Variants in FASN observed in about 807,000 individuals in gnomAD.
FASN encodes the protein fatty acid synthase.
A neutral mutation model predicts 250.0 loss-of-function variants in FASN; 50 were observed. The observed-to-expected ratio is 0.20, with a 90% CI of 0.16 to 0.25. FASN has a LOEUF of 0.25. Among genes scored for constraint, FASN ranks in the 10% least tolerant of loss-of-function variants. The pLI, the probability that FASN is intolerant of heterozygous loss-of-function variation, is 1.00. For synonymous variants in FASN, 1,909 were observed against 1,584.0 expected (o/e 1.21, Z -4.87); for missense variants, 3,031 against 3,498.5 (o/e 0.87, Z 3.37).
intron 2 of FASN, 86 bp from the exon 3 acceptor site, chr17:82,095,558 C>CCTG: frequency 6.6e-7 from 1 of 1,523,896 alleles, no homozygotes; most frequent in Non-Finnish European, 9.0e-7. Flanking sequence ...CCTGGAGGGG[C>CCTG]CATGGTGGAA....
chr17:82,083,902 G>C lies in FASN; in HGVS notation c.5099-11C>G, dbSNP rs1173240593. The C allele has an allele frequency of 6.4e-7, 1 of 1,558,792 alleles. No homozygotes were observed. The highest frequency in any genetic ancestry group is 2.4e-5 in the East Asian group (1 of 42,312). ...GCTTCTCAGCCGACCCTGGTGAAGA[G>C]AGGAAGCGCGGCTGGTGAGCCAGGG... On this transcript the variant is annotated splice_polypyrimidine_tract_variant and intron_variant, in intron 29 of 42. Transcript: ENST00000306749.
At chr17:82,080,975 C>A in intron 38 of FASN, 53 bp from the exon 39 acceptor site, 1 of 1,515,316 alleles carries the variant, frequency 6.6e-7, no homozygotes, top group Non-Finnish European at 9.0e-7. Flanking sequence ...GCCCTGGCAC[C>A]CACGCAAGGA....
chr17:82,089,829 GT>G, intron 11 of FASN, 103 bp from the exon 12 acceptor site: 1 of 1,016,902 alleles, frequency 9.8e-7, no homozygotes, highest in Non-Finnish European at 1.5e-6. Flanking sequence ...AATGACAAGT[GT>G]GGTAATGGCA....
Position 82,081,625 on chromosome 17 carries a change from C to T in FASN, c.6382G>A (p.Val2128Met), listed in dbSNP as rs1051578308. 1.9e-6 allele frequency: 3 copies of T among 1,612,736 alleles called. No homozygotes were observed. Among genetic ancestry groups the T allele is most frequent in the Non-Finnish European group, 2.5e-6 (3 of 1,180,000 alleles). Residue 2128 changes from valine to methionine, a missense_variant, in exon 37 of 43, where the codon GTG (valine) becomes ATG (methionine). By Grantham distance (21) the Val-to-Met change is conservative. Coordinates refer to ENST00000306749, the MANE Select transcript of FASN (RefSeq NM_004104.5). The stretch of plus-strand genomic sequence containing the variant: ...CCCAGGATGTGTGCCACGGCCTCCA[C>T]CAGGTCCCGCTGGCTGTCCCTGTCC... ...YRDRDSQRDL[V>M]EAVAHILGIR...
Position 82,086,340 on chromosome 17 carries a change from T to G in FASN, c.3646A>C (p.Ser1216Arg), listed in dbSNP as rs1254813193. Residue 1216 changes from serine to arginine, a missense_variant, in exon 22 of 43, where the codon AGC (serine) becomes CGC (arginine). Transcript: ENST00000306749. ...AGTGCCGGGGAGTCCAGGAGGCCGC[T>G]GAGCAGAGGGTCCTCTGGCAGCTTG... Reference protein sequence around the residue: ...RPKLPEDPLLSGLLDSPALKA... With the variant: ...RPKLPEDPLLRGLLDSPALKA... The G allele has an allele frequency of 6.2e-7, 1 of 1,607,086 alleles. No individual in the cohort carries two copies. Among genetic ancestry groups the G allele is most frequent in the Non-Finnish European group, 8.5e-7 (1 of 1,179,392 alleles).
intron 8 of FASN, among the ~76,000 whole-genome samples, chr17:82,091,915 C>T (rs2034216871): frequency 6.6e-6 from 1 of 152,202 alleles, no homozygotes; most frequent in Admixed American, 6.5e-5. Flanking sequence ...TTGCTGCCTC[C>T]CAGCCTGATG....
At chr17:82,080,646 G>A (rs771415092) in intron 39 of FASN, 46 bp downstream of exon 39, 425 of 1,553,054 alleles carry the variant, frequency 2.7e-4, no homozygotes, top group Non-Finnish European at 3.6e-4. Flanking sequence ...CGGGCCCCGT[G>A]ATGGCCAGCA....
Position 82,085,791 on chromosome 17 carries a change from C to G in FASN, c.3813G>C (p.Thr1271=), listed in dbSNP as rs756562385. 6 of 1,562,744 alleles carry G rather than the reference C, an allele frequency of 3.8e-6. No individual in the cohort carries two copies. Among genetic ancestry groups the G allele is most frequent in the Non-Finnish European group, 5.2e-6 (6 of 1,155,110 alleles). Residue 1271 remains threonine, a synonymous_variant, in exon 23 of 43, where the codon ACG becomes ACC. Coordinates refer to ENST00000306749, the MANE Select transcript of FASN (RefSeq NM_004104.5). Reference sequence around the variant, plus strand: ...GGGCCTGGGGGTGGCGGTCGGTGGCCGTGTAGCTCAGCTGCAGCAGGGGAT... The same window carrying G: ...GGGCCTGGGGGTGGCGGTCGGTGGCGGTGTAGCTCAGCTGCAGCAGGGGAT... ...SPHPLLQLSY[T]ATDRHPQALE... is the part of the protein sequence containing the mutation.
At position 82,079,373 on chromosome 17, in the gene FASN, TC is replaced by T; in HGVS notation, c.7381del (p.Asp2461ThrfsTer46). ...GGAYGEDLGA[D>X]YNLSQVCDGK... The stretch of plus-strand genomic sequence containing the variant: ...CTTGCGCACCTGGGAGAGGTTGTAG[TC>T]CGCGCCCAGGTCCTCGCCGTAGGCG... On this transcript the variant is annotated frameshift_variant, in exon 42 of 43. Coordinates refer to ENST00000306749, the MANE Select transcript of FASN (RefSeq NM_004104.5). LOFTEE classifies it high-confidence loss of function. 1 of 1,612,986 alleles carries T rather than the reference TC, an allele frequency of 6.2e-7. No individual in the cohort carries two copies. Among genetic ancestry groups the T allele is most frequent in the Non-Finnish European group, 8.5e-7 (1 of 1,179,982 alleles).
chr17:82,089,527 G>A (rs2034164774), intron 12 of FASN, 105 bp downstream of exon 12: 1 of 1,544,374 alleles, frequency 6.5e-7, no homozygotes, highest in Non-Finnish European at 8.8e-7. Flanking sequence ...CATGCCCCAG[G>A]CCCGTCAGAG....
chr17:82,087,791 G>A lies in FASN; in HGVS notation c.2937C>T (p.Pro979=), dbSNP rs62642479. The stretch of plus-strand genomic sequence containing the variant: ...CCTGGGCCAGGAAGAGGGGCTCCGT[G>A]GGGTTGGGGGTGGGGCTTTCCGGGT... ...FDHPESPTPN[P]TEPLFLAQAE... is the part of the protein sequence containing the mutation. The change falls in exon 19 of 43, where the codon CCC becomes CCT. Residue 979 remains proline (P), a synonymous_variant. Transcript: ENST00000306749. 1.5e-3 allele frequency: 2,340 copies of A among 1,612,630 alleles called. 28 individuals are homozygous for A. The African/African-American group carries it at 0.028, about 19-fold the overall frequency.
In FASN at chr17:82,080,228, G is replaced by A; in HGVS notation, c.7058C>T (p.Ala2353Val). Residue 2353 changes from alanine (A) to valine (V), a missense_variant, in exon 41 of 43, where the codon GCA becomes GTA. Ala to Val is a moderately conservative substitution (Grantham distance 64). Coordinates refer to ENST00000306749, the MANE Select transcript of FASN (RefSeq NM_004104.5). ...YVLAYTQSYRAKLTPGCEAEA... is the reference protein window; with the variant it reads ...YVLAYTQSYRVKLTPGCEAEA... Reference sequence around the variant, plus strand: ...AGCCTCACAGCCTGGGGTCAGCTTTGCCCGGTAGCTCTGAGAGGAAGGAGG... The same window carrying A: ...AGCCTCACAGCCTGGGGTCAGCTTTACCCGGTAGCTCTGAGAGGAAGGAGG... 1 of 1,613,126 alleles carries A rather than the reference G, an allele frequency of 6.2e-7. No homozygotes were observed. The highest frequency in any genetic ancestry group is 8.5e-7 in the Non-Finnish European group (1 of 1,180,016).
chr17:82,090,385 C>T lies in FASN; in HGVS notation c.1860G>A (p.Met620Ile). Reference sequence around the variant, plus strand: ...CTCCGGGAGACCTACCCACGGCTGCCATGGCGCCCGGCGGGAGATGGGCTT... The same window carrying T: ...CTCCGGGAGACCTACCCACGGCTGCTATGGCGCCCGGCGGGAGATGGGCTT... ...IKEAHLPPGA[M>I]AAVGLSWEEC... is the part of the protein sequence containing the mutation. Residue 620 changes from methionine (M) to isoleucine (I), a missense_variant, in exon 11 of 43, where the codon ATG becomes ATA. Physicochemically the swap from Met to Ile is conservative, Grantham distance 10. Coordinates refer to ENST00000306749, the MANE Select transcript of FASN (RefSeq NM_004104.5). The T allele has an allele frequency of 6.3e-7, 1 of 1,589,748 alleles. No individual in the cohort carries two copies. The highest frequency in any genetic ancestry group is 1.1e-5 in the South Asian group (1 of 87,736).
rs1489913413 is a variant in FASN, at chr17:82,080,098, AGTACTCTGGGTCCTGCGGCCTC to A, written c.7146+20_7146+41del. The A allele has an allele frequency of 4.4e-6, 7 of 1,585,760 alleles. No individual in the cohort carries two copies. Among genetic ancestry groups the A allele is most frequent in the Non-Finnish European group, 6.1e-6 (7 of 1,155,318 alleles). The stretch of plus-strand genomic sequence containing the variant: ...TCCCTTCCCCCTTCCGTTCCTGCCC[AGTACTCTGGGTCCTGCGGCCTC>A]AGGGGTGTCCAGGACCCACCCTGTT... On this transcript the variant is annotated intron_variant, in intron 41 of 42. Coordinates refer to ENST00000306749, the MANE Select transcript of FASN (RefSeq NM_004104.5).
chr17:82,095,791 C>CA (rs2092357068), intron 2 of FASN, among the ~76,000 whole-genome samples: 1 of 152,216 alleles, frequency 6.6e-6, no homozygotes, highest in Non-Finnish European at 1.5e-5. Flanking sequence ...CATGCTGACT[C>CA]ACAGCTTGCC....
rs758552144 is a variant in FASN at position 82,079,234 on chromosome 17, C to T, written c.7445G>A (p.Arg2482His). ...CAGGCCGCTGCCCTCCAGCAGCGTG[C>T]GGTGGTCACCCTCGATGACGTGGAC... ...VSVHVIEGDH[R>H]TLLEGSGLES... is the part of the protein sequence containing the mutation. The change falls in exon 43 of 43, where the codon CGC (arginine) becomes CAC (histidine). Residue 2482 changes from arginine to histidine, a missense_variant. Transcript: ENST00000306749. 1.9e-5 allele frequency: 30 copies of T among 1,612,880 alleles called. No individual in the cohort carries two copies. Among genetic ancestry groups the T allele is most frequent in the East Asian group, 6.7e-5 (3 of 44,886 alleles).
At position 82,082,471 on chromosome 17, in the gene FASN, G is replaced by A; in HGVS notation, c.5919+56C>T. The A allele has an allele frequency of 1.9e-6, 3 of 1,611,662 alleles. No homozygotes were observed. The South Asian group carries it at 3.3e-5, about 18-fold the overall frequency. ...CTCCAGGGCCTCACCCGTCCACCCA[G>A]GGTCCCCCCCTTGGTCTTGGGGCTT... On this transcript the variant is annotated intron_variant, in intron 34 of 42. Coordinates refer to ENST00000306749, the MANE Select transcript of FASN (RefSeq NM_004104.5).
At chr17:82,081,096 C>A in intron 38 of FASN, 68 bp downstream of exon 38, 1 of 1,516,110 alleles carries the variant, frequency 6.6e-7, no homozygotes. Flanking sequence ...GGGACACGGT[C>A]CAGACAACAA....
At position 82,091,635 on chromosome 17, in the gene FASN, T is replaced by TG; in HGVS notation, c.1078dup (p.His360ProfsTer2). The TG allele has an allele frequency of 6.3e-7, 1 of 1,597,476 alleles. No individual in the cohort carries two copies. The highest frequency in any genetic ancestry group is 1.3e-5 in the African/African-American group (1 of 74,910). ...CGCTGGGATCTCAGGGTTGGGGCTATGGAAGTGCAGGTTGGGGGCCCAGAG... is the reference window on the plus strand; with the variant it reads ...CGCTGGGATCTCAGGGTTGGGGCTATGGGAAGTGCAGGTTGGGGGCCCAGAG... On this transcript the variant is annotated frameshift_variant, in exon 9 of 43. Transcript: ENST00000306749. LOFTEE classifies it high-confidence loss of function.
Sources: allele counts gnomAD v4.1 joint callset (sites outside exome capture counted in the v4.1 genomes callset), GRCh38; gene constraint gnomAD v4.1.1; transcripts MANE v1.5; gene names NCBI Gene and HGNC (gene_info 2026-07-23, HGNC 2026-07-21).